The following MAF variants were observed in gnomAD, a reference collection of about 807,000 sequenced individuals.
MAF encodes MAF bZIP transcription factor.
Under a neutral mutation model 22.0 loss-of-function variants are expected in MAF, and 10 were observed. The observed-to-expected ratio is 0.45, with a 90% CI of 0.28 to 0.77. MAF has a LOEUF of 0.77. Ranked by LOEUF, MAF falls within the 30% of genes least tolerant of loss-of-function variation. The probability of loss-of-function intolerance (pLI) is 0.12; values close to 1 mark genes in which losing one functional copy is unlikely to be tolerated. For missense variants in MAF, 544 were observed against 548.4 expected (o/e 0.99, Z 0.08); for synonymous variants, 337 against 255.8 (o/e 1.32, Z -3.03).
the MAF span, chr16:79,204,944 A>T: frequency 1.3e-5 from 2 of 152,124 alleles, no homozygotes; most frequent in South Asian, 4.1e-4. Context: ...CCACCTCTTA[A>T]AACTTCTTAG....
At chr16:79,355,364 C>A in the MAF span, among the ~76,000 whole-genome samples, 9 of 152,222 alleles carry the variant, frequency 5.9e-5, no homozygotes, top group African/African-American at 2.2e-4. Flanking sequence ...GTCCTGTCCC[C>A]AGGGATGAAG....
the MAF span, among the ~76,000 whole-genome samples, chr16:79,554,740 C>T: frequency 6.6e-6 from 1 of 152,134 alleles, no homozygotes; most frequent in Non-Finnish European, 1.5e-5. Context: ...CGGGGAAGCT[C>T]CCACAAATAA....
chr16:79,598,718 A>T (rs73587071), intron 1 of MAF, 67 bp downstream of exon 1: 2 of 1,605,716 alleles, frequency 1.2e-6, no homozygotes, highest in South Asian at 1.1e-5. Context: ...TAGCAAGCCC[A>T]CACCCGAGCC....
the MAF span, among the ~76,000 whole-genome samples, chr16:79,494,867 C>G: frequency 6.6e-6 from 1 of 152,186 alleles, no homozygotes; most frequent in Non-Finnish European, 1.5e-5. Context: ...CCAAGACTCC[C>G]TCCTTGGGTT....
At chr16:79,268,420 G>A in the MAF span, among the ~76,000 whole-genome samples, 2 of 152,110 alleles carry the variant, frequency 1.3e-5, no homozygotes, top group East Asian at 1.9e-4. Context: ...AATGGTCATA[G>A]TAATGATGGC....
chr16:79,379,421 T>C, the MAF span, among the ~76,000 whole-genome samples: 1 of 152,158 alleles, frequency 6.6e-6, no homozygotes, highest in African/African-American at 2.4e-5. Context: ...TGGAACTATC[T>C]TATAAAAGTA....
At chr16:79,568,474 G>A in the MAF span, among the ~76,000 whole-genome samples, 1 of 152,146 alleles carries the variant, frequency 6.6e-6, no homozygotes, top group African/African-American at 2.4e-5. Flanking sequence ...TGAGTCTGAA[G>A]GTCTTTTATC....
the MAF span, among the ~76,000 whole-genome samples, chr16:79,507,167 G>A: frequency 6.7e-6 from 1 of 148,602 alleles, no homozygotes; most frequent in Non-Finnish European, 1.5e-5. Flanking sequence ...AGGCTGGAGT[G>A]CAGGGGCGTG....
At chr16:79,588,139 T>C (rs947052262) in intron 1 of MAF, among the ~76,000 whole-genome samples, 2 of 152,200 alleles carry the variant, frequency 1.3e-5, no homozygotes, top group Non-Finnish European at 2.9e-5. Context: ...TGCACTGATA[T>C]TCCAGGGAAG....
the MAF span, among the ~76,000 whole-genome samples, chr16:79,228,072 T>TA: frequency 6.6e-6 from 1 of 152,014 alleles, no homozygotes; most frequent in Non-Finnish European, 1.5e-5. Context: ...CGCAGCTAAG[T>TA]ACTTAGTTTT....
chr16:79,227,137 A>C, the MAF span, among the ~76,000 whole-genome samples: 1 of 152,214 alleles, frequency 6.6e-6, no homozygotes, highest in South Asian at 2.1e-4. Context: ...CAGGAGTTTG[A>C]GATGAGCCTG....
chr16:79,376,685 A>T, the MAF span, among the ~76,000 whole-genome samples: 1 of 151,220 alleles, frequency 6.6e-6, no homozygotes, highest in Admixed American at 6.6e-5. Context: ...TCCTCCCCCC[A>T]CCCTACAACA....
At chr16:79,573,972 T>A in the MAF span, among the ~76,000 whole-genome samples, 1 of 152,254 alleles carries the variant, frequency 6.6e-6, no homozygotes, top group Non-Finnish European at 1.5e-5. Flanking sequence ...TGTACCTAAT[T>A]GCTTATTCAG....
At chr16:79,576,291 A>T in the MAF span, among the ~76,000 whole-genome samples, 1 of 151,104 alleles carries the variant, frequency 6.6e-6, no homozygotes, top group East Asian at 1.9e-4. Flanking sequence ...ATTTTTCAAA[A>T]GTGCCCCATA....
chr16:79,234,989 G>A, the MAF span, among the ~76,000 whole-genome samples: 91,239 of 151,968 alleles, frequency 0.6, 28,514 homozygotes, highest in Non-Finnish European at 0.68. Flanking sequence ...GGAAGACAGA[G>A]ACACATCCAG....
chr16:79,489,865 G>C, the MAF span, among the ~76,000 whole-genome samples: 1 of 152,156 alleles, frequency 6.6e-6, no homozygotes, highest in East Asian at 1.9e-4. Flanking sequence ...CTCTGGGCAG[G>C]TTGGAAAGAG....
At chr16:79,453,689 C>A in the MAF span, among the ~76,000 whole-genome samples, 750 of 152,252 alleles carry the variant, frequency 4.9e-3, 5 homozygotes, top group African/African-American at 0.017. Context: ...ATAGGTCGGT[C>A]ACAAGTGAAT....
chr16:79,379,409 T>A, the MAF span, among the ~76,000 whole-genome samples: 3 of 152,282 alleles, frequency 2.0e-5, no homozygotes, highest in South Asian at 6.2e-4. Context: ...GAGTTGCCAA[T>A]GTGGAACTAT....
the MAF span, among the ~76,000 whole-genome samples, chr16:79,236,430 C>G: frequency 6.6e-6 from 1 of 152,068 alleles, no homozygotes; most frequent in Non-Finnish European, 1.5e-5. Context: ...GAAAGTCAAG[C>G]ATTCCCACCT....
Sources: allele counts gnomAD v4.1 joint callset (sites outside exome capture counted in the v4.1 genomes callset), GRCh38; gene constraint gnomAD v4.1.1; transcripts MANE v1.5; gene names NCBI Gene and HGNC (gene_info 2026-07-23, HGNC 2026-07-21).